Variants in HTR4 observed in about 807,000 individuals in gnomAD.
HTR4 encodes 5-hydroxytryptamine (serotonin) receptor 4, G protein-coupled.
HTR4 carries 16 observed loss-of-function variants against 36.8 expected under a neutral mutation model. The ratio of observed to expected loss-of-function variants is 0.43; its 90% CI spans 0.29 to 0.66. The LOEUF is 0.66. Ranked by LOEUF, HTR4 falls within the 30% of genes least tolerant of loss-of-function variation. The pLI is 0.13. For synonymous variants in HTR4, 189 were observed against 185.1 expected (o/e 1.02, Z -0.17); for missense variants, 438 against 490.9 (o/e 0.89, Z 1.02).
At chr5:148,650,376 T>C (rs1237839613) in intron 1 of HTR4, among the ~76,000 whole-genome samples, 1 of 152,158 alleles carries the variant, frequency 6.6e-6, no homozygotes, top group Non-Finnish European at 1.5e-5. Flanking sequence ...AATTGGTAAA[T>C]GGTAAGGCAG....
intron 2 of HTR4, among the ~76,000 whole-genome samples, chr5:148,627,256 G>A (rs545956555): frequency 5.9e-5 from 9 of 152,222 alleles, no homozygotes; most frequent in South Asian, 2.1e-4. Flanking sequence ...CTGATAGATC[G>A]TATTTCTGAA....
intron 2 of HTR4, among the ~76,000 whole-genome samples, chr5:148,611,775 G>A (rs1752439585): frequency 6.6e-6 from 1 of 151,562 alleles, no homozygotes; most frequent in African/African-American, 2.4e-5. Flanking sequence ...GCTGTATTCA[G>A]GAAACCCATC....
intron 2 of HTR4, among the ~76,000 whole-genome samples, chr5:148,589,230 C>A (rs976703559): frequency 6.6e-6 from 1 of 152,152 alleles, no homozygotes; most frequent in Non-Finnish European, 1.5e-5. Flanking sequence ...GGTATGTATT[C>A]ATTTTAAGGT....
intron 2 of HTR4, among the ~76,000 whole-genome samples, chr5:148,598,205 G>A (rs1761853504): frequency 6.6e-6 from 1 of 152,068 alleles, no homozygotes; most frequent in African/African-American, 2.4e-5. Context: ...CTGATTTGGG[G>A]GAGGTTGGTG....
chr5:148,606,598 T>C (rs1312303962), intron 2 of HTR4, among the ~76,000 whole-genome samples: 1 of 152,240 alleles, frequency 6.6e-6, no homozygotes, highest in Non-Finnish European at 1.5e-5. Context: ...CAGTATATAA[T>C]ATGTGCTTTG....
chr5:148,619,733 T>C (rs1368628044), intron 2 of HTR4, among the ~76,000 whole-genome samples: 2 of 152,056 alleles, frequency 1.3e-5, no homozygotes, highest in African/African-American at 2.4e-5. Flanking sequence ...CCAGCCAAGA[T>C]TGTAGAAGCT....
intron 2 of HTR4, among the ~76,000 whole-genome samples, chr5:148,551,104 G>T (rs889855429): frequency 5.9e-5 from 9 of 152,016 alleles, no homozygotes; most frequent in Non-Finnish European, 8.8e-5. Flanking sequence ...CCCACTGCTT[G>T]CTCAGTAGCA....
At chr5:148,527,223 C>T (rs554635334) in intron 4 of HTR4, among the ~76,000 whole-genome samples, 153 of 152,160 alleles carry the variant, frequency 1.0e-3, no homozygotes, top group African/African-American at 3.1e-3. Flanking sequence ...ACAAAAAGTA[C>T]GTTTCAGAAA....
chr5:148,605,240 T>G (rs1752103835), intron 2 of HTR4, among the ~76,000 whole-genome samples: 1 of 133,728 alleles, frequency 7.5e-6, no homozygotes, highest in Non-Finnish European at 1.5e-5. Context: ...GATTGCATTT[T>G]CTTTTCTTTT....
chr5:148,542,802 G>A (rs1759185958), intron 4 of HTR4, among the ~76,000 whole-genome samples: 1 of 152,172 alleles, frequency 6.6e-6, no homozygotes, highest in African/African-American at 2.4e-5. Flanking sequence ...ACTTGGGGAT[G>A]ATATACCTCT....
intron 2 of HTR4, among the ~76,000 whole-genome samples, chr5:148,594,549 G>A (rs1236988624): frequency 6.6e-6 from 1 of 152,090 alleles, no homozygotes; most frequent in East Asian, 1.9e-4. Flanking sequence ...TCCAACATGT[G>A]AGACAGGTAC....
At chr5:148,514,640 T>G (rs184157696) in intron 5 of HTR4, among the ~76,000 whole-genome samples, 15 of 152,266 alleles carry the variant, frequency 9.9e-5, no homozygotes, top group Middle Eastern at 3.4e-3. Flanking sequence ...TGCATGAAGA[T>G]ATGAAGAATA....
chr5:148,628,274 C>T (rs1753194431), intron 2 of HTR4, among the ~76,000 whole-genome samples: 1 of 152,196 alleles, frequency 6.6e-6, no homozygotes, highest in Admixed American at 6.5e-5. Context: ...AAAATACTAG[C>T]TTCACCTCTT....
At chr5:148,485,649 A>C (rs560493056) in intron 6 of HTR4, among the ~76,000 whole-genome samples, 1 of 152,316 alleles carries the variant, frequency 6.6e-6, no homozygotes, top group Non-Finnish European at 1.5e-5. Flanking sequence ...TGCCAAGTGG[A>C]ACCCCATGTT....
intron 6 of HTR4, among the ~76,000 whole-genome samples, chr5:148,485,284 G>A (rs1255781379): frequency 2.6e-5 from 4 of 152,186 alleles, no homozygotes; most frequent in African/African-American, 9.7e-5. Context: ...GGGAGCATAA[G>A]TAATTTGCCC....
At chr5:148,535,059 C>T (rs748058871) in intron 4 of HTR4, among the ~76,000 whole-genome samples, 1 of 152,068 alleles carries the variant, frequency 6.6e-6, no homozygotes, top group Non-Finnish European at 1.5e-5. Context: ...AAGAGTCTAC[C>T]AATTGACCAT....
At chr5:148,477,772 C>T (rs114641995), downstream of HTR4, among the ~76,000 whole-genome samples, 445 of 151,748 alleles carry the variant, frequency 2.9e-3, no homozygotes, top group Non-Finnish European at 4.2e-3. Flanking sequence ...ACTTTTTTTT[C>T]GCATTAATTA....
downstream of HTR4, among the ~76,000 whole-genome samples, chr5:148,477,819 G>A (rs1252875885): frequency 2.0e-5 from 3 of 151,988 alleles, no homozygotes; most frequent in Non-Finnish European, 4.4e-5. Flanking sequence ...TCCTGCCCTA[G>A]TGCATTTGTA....
chr5:148,651,183 G>C (rs1754021121), intron 1 of HTR4, among the ~76,000 whole-genome samples: 1 of 152,116 alleles, frequency 6.6e-6, no homozygotes, highest in African/African-American at 2.4e-5. Flanking sequence ...CACATATCAA[G>C]GTCTAGATTA....
Sources: gnomAD v4.1 joint callset for allele counts (sites outside exome capture counted in the v4.1 genomes callset) on GRCh38, gnomAD v4.1.1 for gene constraint, MANE v1.5 for transcripts, NCBI Gene and HGNC (gene_info 2026-07-23, HGNC 2026-07-21) for gene names.